ITM2A: variants seen among roughly 807,000 people sequenced by gnomAD.
ITM2A encodes integral membrane protein 2A, also known as BRICHOS domain containing 2A.
In ITM2A, 11 loss-of-function variants were observed where a neutral mutation model predicts 16.6. The observed-to-expected ratio is 0.66, with a 90% CI of 0.42 to 1.10. ITM2A has a LOEUF of 1.10. Among genes scored for constraint, ITM2A ranks in the 50% least tolerant of loss-of-function variants. ITM2A has a pLI of 0.00. For missense variants in ITM2A, 243 were observed against 206.8 expected (o/e 1.17, Z -1.07); for synonymous variants, 102 against 71.2 (o/e 1.43, Z -2.18).
In ITM2A at chrX:79,361,166, G is replaced by A. The variant is rs1352523967; in HGVS notation, c.715C>T (p.Arg239Cys). Reference sequence around the variant, plus strand: ...ATCTTCCAGCATTTATCAATGGCACGTTTGTTGAAACCTGTAAGGAAATGT... The same window carrying A: ...ATCTTCCAGCATTTATCAATGGCACATTTGTTGAAACCTGTAAGGAAATGT... ...RRDLLLGFNK[R>C]AIDKCWKIRH... Residue 239 changes from arginine (R) to cysteine (C), a missense_variant, in exon 6 of 6, where the codon CGT becomes TGT. Arg to Cys is a radical substitution (Grantham distance 180). Coordinates refer to ENST00000373298, the MANE Select transcript of ITM2A (RefSeq NM_004867.5). The A allele has an allele frequency of 6.7e-6, 8 of 1,198,083 alleles. No individual in the cohort carries two copies. Among genetic ancestry groups the A allele is most frequent in the Non-Finnish European group, 6.8e-6 (6 of 885,627 alleles).
intron 4 of ITM2A, 58 bp from the exon 5 acceptor site, chrX:79,361,537 G>A: frequency 9.6e-7 from 1 of 1,038,888 alleles, no homozygotes; most frequent in Non-Finnish European, 1.3e-6. Context: ...TAACTTTGAA[G>A]TTCAGGAGTA....
At chrX:79,365,943 A>G (rs1925560751) in intron 1 of ITM2A, among the ~76,000 whole-genome samples, 1 of 112,531 alleles carries the variant, frequency 8.9e-6, no homozygotes, top group Non-Finnish European at 1.9e-5. Flanking sequence ...AATTGTGTGT[A>G]CAATCAACTT....
intron 3 of ITM2A, 106 bp from the exon 4 acceptor site, chrX:79,362,797 A>G (rs1317101004): frequency 1.5e-6 from 1 of 682,059 alleles, no homozygotes; most frequent in Non-Finnish European, 2.2e-6. Flanking sequence ...AAATCAACTA[A>G]TGTGTATTCA....
rs1394128672 is a variant in ITM2A, at chrX:79,361,367, C to T, written c.665G>A (p.Arg222Lys). Residue 222 changes from arginine (R) to lysine (K), a missense_variant, in exon 5 of 6, where the codon AGA becomes AAA. Physicochemically the swap from Arg to Lys is conservative, Grantham distance 26 (BLOSUM62 2). Coordinates refer to ENST00000373298, the MANE Select transcript of ITM2A (RefSeq NM_004867.5). ...TCTGCGACGAAGGCGGAAGGACTTT[C>T]TGTTATTGCAAAGTTGGTAAATAAA... ...GIFIYQLCNNRKSFRLRRRDL... is the reference protein window; with the variant it reads ...GIFIYQLCNNKKSFRLRRRDL... The T allele has an allele frequency of 8.3e-7, 1 of 1,208,234 alleles. No individual in the cohort carries two copies. The highest frequency in any genetic ancestry group is 1.7e-5 in the African/African-American group (1 of 57,315).
In ITM2A at chrX:79,361,430, G is replaced by T; in HGVS notation, c.602C>A (p.Ala201Asp). ...QTYVVREDLV[A>D]VEEIRDVSNL... ...ACTAACATCACGAATTTCCTCCACA[G>T]CAACTAGGTCTTCTCGAACCACATA... The change falls in exon 5 of 6, where the codon GCT becomes GAT. Residue 201 changes from alanine to aspartate, a missense_variant. By Grantham distance (126) the Ala-to-Asp change is moderately radical. Coordinates refer to ENST00000373298, the MANE Select transcript of ITM2A (RefSeq NM_004867.5). The T allele has an allele frequency of 8.3e-7, 1 of 1,205,899 alleles. No individual in the cohort carries two copies. Among genetic ancestry groups the T allele is most frequent in the South Asian group, 1.8e-5 (1 of 56,705 alleles).
rs1925401232 is a variant in ITM2A, at chrX:79,361,108, G to C, written c.773C>G (p.Thr258Ser). The change falls in exon 6 of 6, where the codon ACC (threonine) becomes AGC (serine). Residue 258 changes from threonine (T) to serine (S), a missense_variant. Thr to Ser is a moderately conservative substitution (Grantham distance 58). Transcript: ENST00000373298. ...TGCCTCTTACTCTTGACAGATCTTG[G>C]TCTCAACAATAAATTCGTTGGGGAA... Reference protein sequence around the residue: ...RHFPNEFIVETKICQE With the variant: ...RHFPNEFIVESKICQE 3 of 1,190,279 alleles carry C rather than the reference G, an allele frequency of 2.5e-6. No homozygotes were observed. Among genetic ancestry groups the C allele is most frequent in the Middle Eastern group, 4.6e-4 (2 of 4,327 alleles).
At position 79,363,041 on chromosome X, in the gene ITM2A, C is replaced by T. The variant is rs1925480543; in HGVS notation, c.342G>A (p.Glu114=). The T allele has an allele frequency of 8.3e-7, 1 of 1,207,703 alleles. No individual in the cohort carries two copies. The highest frequency in any genetic ancestry group is 1.1e-6 in the Non-Finnish European group (1 of 892,013). The change falls in exon 3 of 6, where the codon GAG becomes GAA. Residue 114 remains glutamate (E), a synonymous_variant. Coordinates refer to ENST00000373298, the MANE Select transcript of ITM2A (RefSeq NM_004867.5). ...GEPNFLPVTE[E]ADIREDDNIA... ...TGTTGTCATCCTCACGAATGTCAGCCTCCTCAGTCACAGGCAGGAAGTTAG... is the reference window on the plus strand; with the variant it reads ...TGTTGTCATCCTCACGAATGTCAGCTTCCTCAGTCACAGGCAGGAAGTTAG...
chrX:79,363,024 T>C lies in ITM2A; in HGVS notation c.359A>G (p.Asp120Gly). 8.3e-7 allele frequency: 1 copy of C among 1,206,299 alleles called. No homozygotes were observed. The highest frequency in any genetic ancestry group is 1.7e-5 in the African/African-American group (1 of 57,629). The change falls in exon 3 of 6, where the codon GAT (aspartate) becomes GGT (glycine). Residue 120 changes from aspartate to glycine, a missense_variant. Coordinates refer to ENST00000373298, the MANE Select transcript of ITM2A (RefSeq NM_004867.5). ...PVTEEADIRE[D>G]DNIAIIDVPV... ...CACATCAATGATTGCAATGTTGTCA[T>C]CCTCACGAATGTCAGCCTCCTCAGT...
intron 1 of ITM2A, among the ~76,000 whole-genome samples, chrX:79,366,143 C>T (rs1022534233): frequency 2.7e-5 from 3 of 111,038 alleles, no homozygotes; most frequent in Non-Finnish European, 5.7e-5. Context: ...GAGTAGTATA[C>T]GAACCCTGAA....
chrX:79,363,299 G>C, intron 2 of ITM2A, 124 bp downstream of exon 2: 2 of 771,467 alleles, frequency 2.6e-6, no homozygotes, highest in Non-Finnish European at 3.7e-6. Flanking sequence ...TGAACTGAAA[G>C]GCAACTTGAA....
At chrX:79,363,370 A>G in intron 2 of ITM2A, 53 bp downstream of exon 2, 1 of 979,224 alleles carries the variant, frequency 1.0e-6, no homozygotes, top group Non-Finnish European at 1.4e-6. Context: ...GTTGCTACTA[A>G]ATGTCTAGCA....
intron 4 of ITM2A, 91 bp downstream of exon 4, chrX:79,362,490 G>T: frequency 2.1e-6 from 1 of 467,661 alleles, no homozygotes; most frequent in East Asian, 3.8e-5. Context: ...AAAATAAAAT[G>T]TTTTGGACAA....
At chrX:79,365,381 C>T (rs772081020) in intron 1 of ITM2A, among the ~76,000 whole-genome samples, 17 of 111,333 alleles carry the variant, frequency 1.5e-4, no homozygotes, top group Non-Finnish European at 2.8e-4. Flanking sequence ...GGAACTCTTT[C>T]GAAGTGATTG....
chrX:79,364,352 A>C (rs1925515559), intron 1 of ITM2A, among the ~76,000 whole-genome samples: 1 of 112,128 alleles, frequency 8.9e-6, no homozygotes, highest in South Asian at 3.7e-4. Flanking sequence ...CTTGATTTTG[A>C]AGTGTAGCAT....
intron 1 of ITM2A, among the ~76,000 whole-genome samples, chrX:79,365,533 G>A (rs143243396): frequency 3.7e-4 from 41 of 111,267 alleles, no homozygotes; most frequent in African/African-American, 1.3e-3. Context: ...TCTCCAAAAC[G>A]TAACAGCAAA....
chrX:79,361,244 T>C, intron 5 of ITM2A, 67 bp from the exon 6 acceptor site: 1 of 1,121,299 alleles, frequency 8.9e-7, no homozygotes, highest in Non-Finnish European at 1.2e-6. Flanking sequence ...TATCCAGACT[T>C]GTTCCCCACT....
chrX:79,361,356 G>C lies in ITM2A; in HGVS notation c.676C>G (p.Arg226Gly). 1.7e-6 allele frequency: 2 copies of C among 1,209,163 alleles called. No homozygotes were observed. Among genetic ancestry groups the C allele is most frequent in the Non-Finnish European group, 2.2e-6 (2 of 893,610 alleles). Reference protein sequence around the residue: ...YQLCNNRKSFRLRRRDLLLGF... With the variant: ...YQLCNNRKSFGLRRRDLLLGF... ...AGCAAGAGGTCTCTGCGACGAAGGC[G>C]GAAGGACTTTCTGTTATTGCAAAGT... Residue 226 changes from arginine (R) to glycine (G), a missense_variant, in exon 5 of 6, where the codon CGC becomes GGC. By Grantham distance (125) the Arg-to-Gly change is moderately radical. Coordinates refer to ENST00000373298, the MANE Select transcript of ITM2A (RefSeq NM_004867.5).
rs747244590 is a variant in ITM2A, at chrX:79,363,062, G to A, written c.321C>T (p.Asn107=). Residue 107 remains asparagine (N), a synonymous_variant, in exon 3 of 6, where the codon AAC becomes AAT. Coordinates refer to ENST00000373298, the MANE Select transcript of ITM2A (RefSeq NM_004867.5). ...PANSLRGGEP[N]FLPVTEEADI... ...CAGCCTCCTCAGTCACAGGCAGGAA[G>A]TTAGGCTCTCCTCCACGAAGGGAAT... The A allele has an allele frequency of 4.1e-6, 5 of 1,208,422 alleles. No homozygotes were observed. The East Asian group carries it at 8.9e-5, about 21-fold the overall frequency.
chrX:79,362,533 A>G, intron 4 of ITM2A, 48 bp downstream of exon 4: 1 of 648,564 alleles, frequency 1.5e-6, no homozygotes, highest in Non-Finnish European at 2.4e-6. Context: ...AAGGAAGTAA[A>G]ATTACTTGGA....
Sources: allele counts gnomAD v4.1 joint callset (sites outside exome capture counted in the v4.1 genomes callset), GRCh38; gene constraint gnomAD v4.1.1; transcripts MANE v1.5; gene names NCBI Gene and HGNC (gene_info 2026-07-23, HGNC 2026-07-21).